The following BOD1L1 variants were observed in gnomAD, a reference collection of about 807,000 sequenced individuals.
The protein encoded by BOD1L1 is biorientation of chromosomes in cell division protein 1-like 1.
In BOD1L1, 86 loss-of-function variants were observed where a neutral mutation model predicts 240.7. The ratio of observed to expected loss-of-function variants is 0.36; its 90% CI spans 0.30 to 0.43. The LOEUF (loss-of-function observed/expected upper bound fraction) is 0.43. BOD1L1 is among the 20% of genes least tolerant of loss of function. The probability of loss-of-function intolerance (pLI) is 1.00; values close to 1 mark genes in which losing one functional copy is unlikely to be tolerated. For synonymous variants in BOD1L1, 1,268 were observed against 1,272.3 expected (o/e 1.00, Z 0.07); for missense variants, 3,554 against 3,643.5 (o/e 0.98, Z 0.63).
At chr4:13,578,601 G>A (rs202158525) in intron 22 of BOD1L1, among the ~76,000 whole-genome samples, 1 of 152,198 alleles carries the variant, frequency 6.6e-6, no homozygotes, top group East Asian at 1.9e-4. Context: ...AGGCTAGAGT[G>A]CAGTGGTGCA....
intron 17 of BOD1L1, among the ~76,000 whole-genome samples, chr4:13,585,354 G>T (rs534485024): frequency 6.6e-6 from 1 of 152,028 alleles, no homozygotes; most frequent in African/African-American, 2.4e-5. Flanking sequence ...GGAATAAGGC[G>T]TCTAATAATT....
At position 13,615,304 on chromosome 4, in the gene BOD1L1, C is replaced by T; in HGVS notation, c.559+8G>A. The T allele has an allele frequency of 1.3e-6, 2 of 1,598,320 alleles. No homozygotes were observed. Among genetic ancestry groups the T allele is most frequent in the Non-Finnish European group, 1.7e-6 (2 of 1,171,302 alleles). On this transcript the variant is annotated splice_region_variant and intron_variant, in intron 3 of 25. Transcript: ENST00000040738. ...CAATGGAACTGACCAAGAGTAAAAG[C>T]AAAGCACCTTGTGTAATAAGGGAAG...
Position 13,603,180 on chromosome 4 carries a change from T to C in BOD1L1, c.3720A>G (p.Arg1240=), listed in dbSNP as rs758488362. 24 of 1,613,910 alleles carry C rather than the reference T, an allele frequency of 1.5e-5. No individual in the cohort carries two copies. The highest frequency in any genetic ancestry group is 1.3e-4 in the African/African-American group (10 of 74,936). The change falls in exon 10 of 26, where the codon AGA becomes AGG. Residue 1240 remains arginine, a synonymous_variant. Transcript: ENST00000040738. ...EVNIDSETVH[R]MLLSAPSEND... ...TTTCTGATGGGGCACTCAGTAACAT[T>C]CTATGAACAGTTTCAGAATCTATAT...
chr4:13,600,939 A>G lies in BOD1L1; in HGVS notation c.5961T>C (p.Ser1987=). 1 of 1,613,904 alleles carries G rather than the reference A, an allele frequency of 6.2e-7. No individual in the cohort carries two copies. Among genetic ancestry groups the G allele is most frequent in the Non-Finnish European group, 8.5e-7 (1 of 1,179,872 alleles). Residue 1987 remains serine (S), a synonymous_variant, in exon 10 of 26, where the codon AGT becomes AGC. Transcript: ENST00000040738. ...GPMTSAASDQ[S]DSQLEKVEDT... ...CTTCAACTTTTTCGAGCTGACTGTC[A>G]CTTTGATCAGATGCAGCACTAGTCA...
At chr4:13,581,353 G>T (rs1376634929) in intron 19 of BOD1L1, 146 bp from the exon 20 acceptor site, 3 of 601,506 alleles carry the variant, frequency 5.0e-6, no homozygotes, top group Non-Finnish European at 8.5e-6. Flanking sequence ...ATGTGATGTA[G>T]GGCTTAGTGT....
chr4:13,611,264 T>C (rs1716150573), intron 5 of BOD1L1, among the ~76,000 whole-genome samples, 164 bp from the exon 6 acceptor site: 1 of 152,232 alleles, frequency 6.6e-6, no homozygotes, highest in Non-Finnish European at 1.5e-5. Context: ...ATTCATATTT[T>C]TATTTCTTAT....
At chr4:13,596,998 A>G (rs1020340871) in intron 11 of BOD1L1, 106 bp downstream of exon 11, 5 of 873,332 alleles carry the variant, frequency 5.7e-6, no homozygotes, top group Admixed American at 2.3e-5. Flanking sequence ...TATCATAAGT[A>G]CAATGAGAAC....
chr4:13,609,329 T>A lies in BOD1L1; in HGVS notation c.1569A>T (p.Ala523=). 6.4e-7 allele frequency: 1 copy of A among 1,558,316 alleles called. No individual in the cohort carries two copies. The highest frequency in any genetic ancestry group is 8.7e-7 in the Non-Finnish European group (1 of 1,154,944). ...TGGTTTTTGAAGACTTTGTCTTTTC[T>A]GCTTTCTGTTTTCGTTTTTCTTCAA... ...EKLEEKRKQK[A]EKTKSSKTKG... The change falls in exon 7 of 26, where the codon GCA becomes GCT. Residue 523 remains alanine (A), a synonymous_variant. Transcript: ENST00000040738.
intron 17 of BOD1L1, among the ~76,000 whole-genome samples, chr4:13,585,717 A>G (rs1713624852): frequency 6.6e-6 from 1 of 151,978 alleles, no homozygotes; most frequent in Non-Finnish European, 1.5e-5. Context: ...TTGTAGTGGG[A>G]AGGATGCAGT....
At chr4:13,584,430 A>AAG (rs776383948) in intron 17 of BOD1L1, among the ~76,000 whole-genome samples, 3,070 of 109,782 alleles carry the variant, frequency 0.028, 36 homozygotes, top group Middle Eastern at 0.056. Context: ...CGGGGAGAGA[A>AAG]AGAGAGAGAG....
chr4:13,597,041 G>A, intron 11 of BOD1L1, 63 bp downstream of exon 11: 1 of 1,237,652 alleles, frequency 8.1e-7, no homozygotes, highest in Non-Finnish European at 1.2e-6. Flanking sequence ...ATATATATGT[G>A]TATATGTGAT....
At chr4:13,610,911 A>G (rs748989681) in intron 6 of BOD1L1, 23 bp downstream of exon 6, 3 of 1,574,834 alleles carry the variant, frequency 1.9e-6, no homozygotes, top group Non-Finnish European at 2.6e-6. Flanking sequence ...GTAGGTTAAA[A>G]TAACAGAACA....
In BOD1L1 at chr4:13,597,119, G is replaced by A. The variant is rs780773283; in HGVS notation, c.8004C>T (p.Ala2668=). Residue 2668 remains alanine (A), a synonymous_variant, in exon 11 of 26, where the codon GCC becomes GCT. Transcript: ENST00000040738. ...LNVLGGLKLK[A]NLKMEAYVPS... ...TAAGCCATACCTCCATTTTCAAGTT[G>A]GCTTTCAGTTTCAATCCTCCCAAAA... 6.2e-5 allele frequency: 99 copies of A among 1,592,606 alleles called. No homozygotes were observed. The highest frequency in any genetic ancestry group is 8.5e-5 in the Non-Finnish European group (99 of 1,168,328).
At chr4:13,612,198 A>T (rs963080776) in intron 5 of BOD1L1, among the ~76,000 whole-genome samples, 2 of 152,188 alleles carry the variant, frequency 1.3e-5, no homozygotes, top group Non-Finnish European at 1.5e-5. Context: ...AATGGGAGGC[A>T]TTGAGAAATA....
chr4:13,620,073 G>C lies in BOD1L1; in HGVS notation c.244-6C>G. The stretch of plus-strand genomic sequence containing the variant: ...CTCAGATTCTGATACGCAGGCTAGA[G>C]AGAAAAAAACGAAGGTAAGTCTTCA... On this transcript the variant is annotated splice_region_variant and splice_polypyrimidine_tract_variant and intron_variant, in intron 1 of 25. Coordinates refer to ENST00000040738, the MANE Select transcript of BOD1L1 (RefSeq NM_148894.3). 1 of 1,588,806 alleles carries C rather than the reference G, an allele frequency of 6.3e-7. No homozygotes were observed. The highest frequency in any genetic ancestry group is 8.6e-7 in the Non-Finnish European group (1 of 1,166,988).
chr4:13,602,025 G>C lies in BOD1L1; in HGVS notation c.4875C>G (p.Asp1625Glu). The part of the protein sequence containing the change: ...SGECAVAESE[D>E]RAADLLAVHA... ...GCACAGCCAGTAGGTCTGCTGCTCT[G>C]TCCTCAGATTCAGCCACAGCACACT... Residue 1625 changes from aspartate to glutamate, a missense_variant, in exon 10 of 26, where the codon GAC becomes GAG. Asp to Glu is a conservative substitution (Grantham distance 45). Coordinates refer to ENST00000040738, the MANE Select transcript of BOD1L1 (RefSeq NM_148894.3). 6.2e-7 allele frequency: 1 copy of C among 1,613,898 alleles called. No individual in the cohort carries two copies. The highest frequency in any genetic ancestry group is 8.5e-7 in the Non-Finnish European group (1 of 1,179,894).
rs572299501 is a variant in BOD1L1 at position 13,609,228 on chromosome 4, A to G, written c.1603+67T>C. 19 of 905,108 alleles carry G rather than the reference A, an allele frequency of 2.1e-5. No homozygotes were observed. In the African/African-American group the frequency reaches 3.1e-4, roughly 15 times the overall value. The allele number at this position is 905,108 out of a possible 1,614,324, so 56.1% of individuals were successfully genotyped here. ...TTTATATTCATGTCTCATAAGTAAT[A>G]TAAGAGTACCCAGAAAATAATGAAA... On this transcript the variant is annotated intron_variant, in intron 7 of 25. Transcript: ENST00000040738.
At position 13,614,777 on chromosome 4, in the gene BOD1L1, G is replaced by T. The variant is rs1295008858; in HGVS notation, c.593C>A (p.Ala198Asp). The T allele has an allele frequency of 6.2e-7, 1 of 1,613,462 alleles. No homozygotes were observed. Among genetic ancestry groups the T allele is most frequent in the Admixed American group, 1.7e-5 (1 of 59,914 alleles). The change falls in exon 4 of 26, where the codon GCC becomes GAC. Residue 198 changes from alanine (A) to aspartate (D), a missense_variant. Coordinates refer to ENST00000040738, the MANE Select transcript of BOD1L1 (RefSeq NM_148894.3). The part of the protein sequence containing the change: ...VPTPGPSANV[A>D]NDAMSILETI... ...TTCCAATATCGACATGGCATCATTG[G>T]CTACATTAGCACTGGGCCCAGGAGT...
At position 13,601,361 on chromosome 4, in the gene BOD1L1, C is replaced by G. The variant is rs911905147; in HGVS notation, c.5539G>C (p.Gly1847Arg). Reference sequence around the variant, plus strand: ...ACAATGCCTTCATCATCACAAGGACCAGCAGCAACTAATGGTACATTAGTG... The same window carrying G: ...ACAATGCCTTCATCATCACAAGGACGAGCAGCAACTAATGGTACATTAGTG... The part of the protein sequence containing the change: ...EGTNVPLVAA[G>R]PCDDEGIVTS... Residue 1847 changes from glycine to arginine, a missense_variant, in exon 10 of 26, where the codon GGT (glycine) becomes CGT (arginine). Coordinates refer to ENST00000040738, the MANE Select transcript of BOD1L1 (RefSeq NM_148894.3). The G allele has an allele frequency of 1.9e-6, 3 of 1,613,898 alleles. No individual in the cohort carries two copies. In the African/African-American group the frequency reaches 4.0e-5, roughly 22 times the overall value.
Sources: allele counts gnomAD v4.1 joint callset (sites outside exome capture counted in the v4.1 genomes callset), GRCh38; gene constraint gnomAD v4.1.1; transcripts MANE v1.5; gene names NCBI Gene and HGNC (gene_info 2026-07-23, HGNC 2026-07-21).